SHOC1: variants seen among roughly 807,000 people sequenced by gnomAD.
SHOC1 encodes the protein shortage in chiasmata 1.
A neutral mutation model predicts 179.2 loss-of-function variants in SHOC1; 136 were observed. The ratio of observed to expected loss-of-function variants is 0.76; its 90% CI spans 0.66 to 0.87. The LOEUF is 0.87. SHOC1 is among the 40% of genes least tolerant of loss of function. SHOC1 has a pLI of 0.00. For synonymous variants in SHOC1, 489 were observed against 586.6 expected (o/e 0.83, Z 2.41); for missense variants, 1,538 against 1,700.8 (o/e 0.90, Z 1.68).
chr9:111,786,706 C>T (rs969689114), intron 2 of SHOC1, among the ~76,000 whole-genome samples: 1 of 151,858 alleles, frequency 6.6e-6, no homozygotes, highest in Non-Finnish European at 1.5e-5. Context: ...TGTTAGTTAC[C>T]ATTGTAATTG....
At chr9:111,733,902 C>G (rs145673990) in intron 12 of SHOC1, among the ~76,000 whole-genome samples, 37 of 151,898 alleles carry the variant, frequency 2.4e-4, no homozygotes, top group Non-Finnish European at 4.6e-4. Context: ...CCATATGAGT[C>G]AATAATATGT....
At position 111,713,150 on chromosome 9, in the gene SHOC1, T is replaced by A; in HGVS notation, c.2438A>T (p.Asp813Val). 6.4e-7 allele frequency: 1 copy of A among 1,564,520 alleles called. No individual in the cohort carries two copies. Among genetic ancestry groups the A allele is most frequent in the Non-Finnish European group, 8.8e-7 (1 of 1,139,532 alleles). ...QIKVLIIIRM[D>V]SDGEKHFLIK... is the part of the protein sequence containing the mutation. ...GAGAAAATGTTTTTCACCGTCTGAG[T>A]CCATTCTTATTATAATCAGTACCTA... is the stretch of plus-strand genomic sequence containing the variant. Residue 813 changes from aspartate to valine, a missense_variant, in exon 18 of 28, where the codon GAC (aspartate) becomes GTC (valine). Transcript: ENST00000682961.
At chr9:111,688,512 A>G (rs1831283637) in intron 27 of SHOC1, among the ~76,000 whole-genome samples, 1 of 152,184 alleles carries the variant, frequency 6.6e-6, no homozygotes, top group African/African-American at 2.4e-5. Flanking sequence ...AGAGATTACC[A>G]GCATTTTGGA....
chr9:111,693,866 C>T lies in SHOC1; in HGVS notation c.3398G>A (p.Trp1133Ter). ...TTGACACAGAGTTGCTAATAATATC[C>T]AATGCAGTGAAGGTCCTTTATTTAG... ...LMLNKGPSLH[W>*]ILLATLCQLQ... The change falls in exon 26 of 28, where the codon TGG (tryptophan) becomes TAG (stop). Residue 1133 changes from tryptophan to a stop codon, truncating the protein, a stop_gained. Coordinates refer to ENST00000682961, the MANE Select transcript of SHOC1 (RefSeq NM_001378211.1). LOFTEE classifies it high-confidence loss of function. 6.2e-7 allele frequency: 1 copy of T among 1,611,344 alleles called. No homozygotes were observed. The highest frequency in any genetic ancestry group is 1.3e-5 in the African/African-American group (1 of 74,930).
rs147423129 is a variant in SHOC1, at chr9:111,691,766, T to C, written c.4211A>G (p.Glu1404Gly). 121 of 1,613,998 alleles carry C rather than the reference T, an allele frequency of 7.5e-5. No individual in the cohort carries two copies. The highest frequency in any genetic ancestry group is 9.7e-5 in the Non-Finnish European group (115 of 1,179,958). The change falls in exon 27 of 28, where the codon GAG becomes GGG. Residue 1404 changes from glutamate to glycine, a missense_variant. Physicochemically the swap from Glu to Gly is moderately conservative, Grantham distance 98. Coordinates refer to ENST00000682961, the MANE Select transcript of SHOC1 (RefSeq NM_001378211.1). ...ACTTTCACATGTGAGGCCTTCAGAC[T>C]CATCTGATAGACATTTTTGCTGATC... Reference protein sequence around the residue: ...FTDQQKCLSDESEGLTCESSK... With the variant: ...FTDQQKCLSDGSEGLTCESSK...
chr9:111,737,185 T>A (rs1833846386), intron 12 of SHOC1, among the ~76,000 whole-genome samples: 1 of 152,224 alleles, frequency 6.6e-6, no homozygotes, highest in African/African-American at 2.4e-5. Context: ...AGAACTACGT[T>A]CGACCCAGCA....
chr9:111,762,887 A>T (rs2131582649), intron 5 of SHOC1, among the ~76,000 whole-genome samples: 1 of 152,222 alleles, frequency 6.6e-6, no homozygotes, highest in South Asian at 2.1e-4. Flanking sequence ...AAGATTAAAT[A>T]TTGCAAAGGA....
At chr9:111,743,549 A>C (rs549918219) in intron 10 of SHOC1, among the ~76,000 whole-genome samples, 1 of 152,322 alleles carries the variant, frequency 6.6e-6, no homozygotes, top group East Asian at 1.9e-4. Context: ...CAGCTGTTGC[A>C]GAATCACAGT....
intron 8 of SHOC1, among the ~76,000 whole-genome samples, chr9:111,754,883 T>A (rs1834786029): frequency 1.3e-5 from 2 of 152,234 alleles, no homozygotes; most frequent in African/African-American, 4.8e-5. Flanking sequence ...TTATTGAATG[T>A]TCAGAGTAGG....
At chr9:111,775,212 C>T (rs1232312822) in intron 5 of SHOC1, among the ~76,000 whole-genome samples, 2 of 152,140 alleles carry the variant, frequency 1.3e-5, no homozygotes, top group South Asian at 4.2e-4. Context: ...CCAAGCTGGT[C>T]TCAAACTCTT....
intron 5 of SHOC1, among the ~76,000 whole-genome samples, chr9:111,766,598 G>T (rs910927913): frequency 6.7e-6 from 1 of 150,362 alleles, no homozygotes; most frequent in Non-Finnish European, 1.5e-5. Flanking sequence ...ATTTCATTGT[G>T]TTTTTTTTTG....
chr9:111,708,398 T>C (rs985752560), intron 18 of SHOC1, among the ~76,000 whole-genome samples: 1 of 152,074 alleles, frequency 6.6e-6, no homozygotes, highest in Non-Finnish European at 1.5e-5. Context: ...AGACAGTGTT[T>C]CACCATGTTG....
rs554845585 is a variant in SHOC1, at chr9:111,694,086, C to T, written c.3316-138G>A. 82 of 1,067,654 alleles carry T rather than the reference C, an allele frequency of 7.7e-5. No homozygotes were observed. In the East Asian group the frequency reaches 1.4e-3, roughly 18 times the overall value. The allele number at this position is 1,067,654 out of a possible 1,614,324, so 66.1% of individuals were successfully genotyped here. On this transcript the variant is annotated intron_variant, in intron 25 of 27. Transcript: ENST00000682961. ...CGAAAGTGATCCATTTTATTCTACT[C>T]GTTGCAGCAGATTAAAACTTTTGTT...
At chr9:111,709,170 G>A (rs1216575167) in intron 18 of SHOC1, among the ~76,000 whole-genome samples, 1 of 152,130 alleles carries the variant, frequency 6.6e-6, no homozygotes, top group Admixed American at 6.5e-5. Flanking sequence ...GCGAAGCCCT[G>A]TCTCTACTAA....
intron 18 of SHOC1, among the ~76,000 whole-genome samples, chr9:111,712,531 A>C (rs1393940171): frequency 6.6e-6 from 1 of 152,190 alleles, no homozygotes; most frequent in Non-Finnish European, 1.5e-5. Flanking sequence ...AGTTAACACA[A>C]AGGAGATGAA....
intron 14 of SHOC1, among the ~76,000 whole-genome samples, chr9:111,723,573 G>T (rs1833164678): frequency 6.6e-6 from 1 of 152,158 alleles, no homozygotes; most frequent in South Asian, 2.1e-4. Context: ...AATGAAAGAA[G>T]AAATAACACT....
chr9:111,776,952 C>A (rs528828678), intron 4 of SHOC1, among the ~76,000 whole-genome samples: 2 of 152,326 alleles, frequency 1.3e-5, no homozygotes, highest in Admixed American at 6.5e-5. Flanking sequence ...TATTATTACT[C>A]AAATCAGTCT....
intron 8 of SHOC1, among the ~76,000 whole-genome samples, chr9:111,750,923 C>T (rs1834549482): frequency 6.6e-6 from 1 of 152,130 alleles, no homozygotes; most frequent in African/African-American, 2.4e-5. Flanking sequence ...TTTCCCATGC[C>T]TATGTCCTGA....
chr9:111,786,008 C>T lies in SHOC1; in HGVS notation c.73G>A (p.Asp25Asn). ...GAAGGGATTCGAAGCAATAAAGCAT[C>T]TCTGTAAAACTTCTTTCTAACCACA... Reference protein sequence around the residue: ...ENVVRKKFYRDALLLRIPSCL... With the variant: ...ENVVRKKFYRNALLLRIPSCL... Residue 25 changes from aspartate (D) to asparagine (N), a missense_variant, in exon 3 of 28, where the codon GAT becomes AAT. Coordinates refer to ENST00000682961, the MANE Select transcript of SHOC1 (RefSeq NM_001378211.1). 6.6e-7 allele frequency: 1 copy of T among 1,506,824 alleles called. No homozygotes were observed. 93.3% of individuals were successfully genotyped at this position (1,506,824 alleles called of 1,614,324 possible).
Sources: allele counts gnomAD v4.1 joint callset (sites outside exome capture counted in the v4.1 genomes callset), GRCh38; gene constraint gnomAD v4.1.1; transcripts MANE v1.5; gene names NCBI Gene and HGNC (gene_info 2026-07-23, HGNC 2026-07-21).